The following ERC2 variants were observed in gnomAD, a reference collection of about 807,000 sequenced individuals.
The protein encoded by ERC2 is ERC protein 2.
In ERC2, 42 loss-of-function variants were observed where a neutral mutation model predicts 114.8. The observed-to-expected ratio is 0.37, with a 90% CI of 0.29 to 0.47. ERC2 has a LOEUF of 0.47. Ranked by LOEUF, ERC2 falls within the 20% of genes least tolerant of loss-of-function variation. The pLI, the probability that ERC2 is intolerant of heterozygous loss-of-function variation, is 0.99. For missense variants in ERC2, 939 were observed against 1,150.7 expected (o/e 0.82, Z 2.66); for synonymous variants, 454 against 425.5 (o/e 1.07, Z -0.82).
chr3:56,325,480 C>T (rs1206494936), intron 2 of ERC2, among the ~76,000 whole-genome samples: 1 of 152,022 alleles, frequency 6.6e-6, no homozygotes, highest in Non-Finnish European at 1.5e-5. Flanking sequence ...ATACCCAATG[C>T]TGGTGACAAT....
chr3:56,453,974 A>G (rs2062942314), intron 1 of ERC2, among the ~76,000 whole-genome samples: 1 of 152,134 alleles, frequency 6.6e-6, no homozygotes, highest in African/African-American at 2.4e-5. Flanking sequence ...AACTGACCCA[A>G]GCATGCCTCC....
intron 2 of ERC2, among the ~76,000 whole-genome samples, chr3:56,299,570 T>C (rs1460433734): frequency 1.3e-5 from 2 of 151,732 alleles, no homozygotes; most frequent in Non-Finnish European, 2.9e-5. Flanking sequence ...GCTGGGACTA[T>C]AGGTGTGCGC....
intron 2 of ERC2, among the ~76,000 whole-genome samples, chr3:56,421,408 G>C (rs1445726692): frequency 6.6e-6 from 1 of 152,120 alleles, no homozygotes; most frequent in Admixed American, 6.5e-5. Flanking sequence ...CTTTTCCATA[G>C]CTCTGCTGAG....
At chr3:56,228,783 C>G (rs74932156) in intron 3 of ERC2, among the ~76,000 whole-genome samples, 1 of 152,102 alleles carries the variant, frequency 6.6e-6, no homozygotes, top group Non-Finnish European at 1.5e-5. Flanking sequence ...CTGATTTGTA[C>G]GTTATGCATT....
intron 14 of ERC2, among the ~76,000 whole-genome samples, chr3:55,755,971 G>A (rs761466587): frequency 5.3e-5 from 8 of 152,080 alleles, no homozygotes; most frequent in Non-Finnish European, 7.4e-5. Context: ...TTTGCAAACA[G>A]CTTTTTTCCA....
At chr3:55,849,180 A>C in intron 14 of ERC2, among the ~76,000 whole-genome samples, 1 of 152,162 alleles carries the variant, frequency 6.6e-6, no homozygotes, top group African/African-American at 2.4e-5. Context: ...CCACACAGTA[A>C]TGGCAGATCT....
At chr3:56,038,415 T>TA (rs1013589709) in intron 7 of ERC2, among the ~76,000 whole-genome samples, 1 of 152,026 alleles carries the variant, frequency 6.6e-6, no homozygotes, top group Non-Finnish European at 1.5e-5. Flanking sequence ...TCCCAATTAT[T>TA]AAAAAAATCA....
chr3:55,795,975 C>T (rs1428671867), intron 14 of ERC2, among the ~76,000 whole-genome samples: 1 of 152,200 alleles, frequency 6.6e-6, no homozygotes, highest in Non-Finnish European at 1.5e-5. Flanking sequence ...TGAGGAGTCA[C>T]AAACTAAGCA....
chr3:55,740,175 T>A (rs139168031), intron 14 of ERC2, among the ~76,000 whole-genome samples: 7 of 152,284 alleles, frequency 4.6e-5, no homozygotes, highest in Non-Finnish European at 1.0e-4. Context: ...TCTAATTCTC[T>A]ATAAATGTCA....
At chr3:56,189,697 C>T (rs1387605232) in intron 3 of ERC2, among the ~76,000 whole-genome samples, 1 of 152,164 alleles carries the variant, frequency 6.6e-6, no homozygotes, top group Non-Finnish European at 1.5e-5. Flanking sequence ...AATTTTCCAA[C>T]ATTTGGCTTG....
intron 14 of ERC2, among the ~76,000 whole-genome samples, chr3:55,819,561 T>C (rs1173404113): frequency 6.6e-6 from 1 of 152,236 alleles, no homozygotes; most frequent in Non-Finnish European, 1.5e-5. Flanking sequence ...AACTACACTA[T>C]TTATTTTGGC....
In ERC2 at chr3:55,733,542, T is replaced by TCTCA. The variant is rs377515133; in HGVS notation, c.2712+1228_2712+1229insTGAG. Among the ~76,000 whole-genome samples, 269 of 107,872 alleles carry TCTCA rather than the reference T, an allele frequency of 2.5e-3. 8 individuals are homozygous for TCTCA. Among genetic ancestry groups the TCTCA allele is most frequent in the African/African-American group, 7.4e-3 (204 of 27,384 alleles). 70.8% of individuals were successfully genotyped at this position (107,872 alleles called of 152,430 possible). A position where few individuals can be genotyped will look rare whatever the true frequency, so the allele number is the denominator to read the frequency against. On this transcript the variant is annotated intron_variant, in intron 15 of 17. Coordinates refer to ENST00000288221, the MANE Select transcript of ERC2 (RefSeq NM_015576.3). ...CTGTCTCTCATTCTTTCTCTCTCTC[T>TCTCA]CACACACACACACACACACACACAC...
At chr3:55,941,623 T>C (rs547178602) in intron 13 of ERC2, among the ~76,000 whole-genome samples, 1 of 152,190 alleles carries the variant, frequency 6.6e-6, no homozygotes, top group South Asian at 2.1e-4. Flanking sequence ...GAAGACATTA[T>C]CCTTGGCCTA....
chr3:55,561,867 G>A (rs1018022052), intron 17 of ERC2, among the ~76,000 whole-genome samples: 1 of 152,110 alleles, frequency 6.6e-6, no homozygotes, highest in Non-Finnish European at 1.5e-5. Context: ...CAGAACCTAA[G>A]CCAGCCCAAT....
intron 14 of ERC2, among the ~76,000 whole-genome samples, chr3:55,783,113 T>C (rs1315052941): frequency 6.6e-6 from 1 of 152,182 alleles, no homozygotes; most frequent in African/African-American, 2.4e-5. Context: ...CTAATAATTC[T>C]CACCAAATGC....
chr3:55,924,040 T>A (rs528570040), intron 13 of ERC2, among the ~76,000 whole-genome samples: 2 of 152,292 alleles, frequency 1.3e-5, no homozygotes, highest in South Asian at 4.1e-4. Context: ...ATATTATAGA[T>A]GTAAGGAGAC....
chr3:55,608,577 A>G (rs2058747529), intron 17 of ERC2, among the ~76,000 whole-genome samples: 1 of 152,184 alleles, frequency 6.6e-6, no homozygotes, highest in Non-Finnish European at 1.5e-5. Flanking sequence ...AATCATCCCC[A>G]AATCACCAGG....
chr3:56,276,362 T>G lies in ERC2; in HGVS notation c.1074+19657A>C, dbSNP rs1009473162. On this transcript the variant is annotated intron_variant, in intron 3 of 17. Coordinates refer to ENST00000288221, the MANE Select transcript of ERC2 (RefSeq NM_015576.3). The stretch of plus-strand genomic sequence containing the variant: ...AGCAAGGATCACATGAAACCATCTT[T>G]TATTATTCAGCATTAGCTCCTGAAA... Among the ~76,000 whole-genome samples the G allele has an allele frequency of 2.0e-5, 3 of 151,696 alleles. 1 individual carries two copies. The South Asian group carries it at 6.2e-4, about 32-fold the overall frequency.
At chr3:55,998,371 C>T (rs1368050836) in intron 10 of ERC2, among the ~76,000 whole-genome samples, 1 of 152,010 alleles carries the variant, frequency 6.6e-6, no homozygotes, top group Admixed American at 6.6e-5. Context: ...CTAAAATTAG[C>T]AATGTAGAGA....
Sources: gnomAD v4.1 joint callset for allele counts (sites outside exome capture counted in the v4.1 genomes callset) on GRCh38, gnomAD v4.1.1 for gene constraint, MANE v1.5 for transcripts, NCBI Gene and HGNC (gene_info 2026-07-23, HGNC 2026-07-21) for gene names.